The following OR2V2 variants were observed in gnomAD, a reference collection of about 807,000 sequenced individuals.
The protein encoded by OR2V2 is olfactory receptor family 2 subfamily V member 2.
For missense variants in OR2V2, 392 were observed against 392.2 expected (o/e 1.00, Z 0.00); for synonymous variants, 161 against 151.3 (o/e 1.06, Z -0.47).
Position 181,156,619 on chromosome 5 carries a change from T to C in OR2V2, c.*729T>C, listed in dbSNP as rs1763270500. 1 of 152,260 alleles carries C rather than the reference T, an allele frequency of 6.6e-6. No homozygotes were observed. Among genetic ancestry groups the C allele is most frequent in the South Asian group, 2.1e-4 (1 of 4,828 alleles). 9.4% of individuals were successfully genotyped at this position (152,260 alleles called of 1,614,324 possible). A position where few individuals can be genotyped will look rare whatever the true frequency, so the allele number is the denominator to read the frequency against. ...TTGAGCTGAGCCTCCTAACTCTCCT[T>C]GCTAATGTTTTATTCTGTGCTTACT... is the stretch of plus-strand genomic sequence containing the variant. On this transcript the variant is annotated 3_prime_UTR_variant, in exon 2 of 2. Coordinates refer to ENST00000641492, the MANE Select transcript of OR2V2 (RefSeq NM_206880.2).
In OR2V2 at chr5:181,158,940, T is replaced by C. The variant is rs1217434192; in HGVS notation, c.*3050T>C. 1 of 152,210 alleles carries C rather than the reference T, an allele frequency of 6.6e-6. No individual in the cohort carries two copies. The highest frequency in any genetic ancestry group is 1.9e-4 in the East Asian group (1 of 5,156). 9.4% of individuals were successfully genotyped at this position (152,210 alleles called of 1,614,324 possible). A position where few individuals can be genotyped will look rare whatever the true frequency, so the allele number is the denominator to read the frequency against. On this transcript the variant is annotated 3_prime_UTR_variant, in exon 2 of 2. Coordinates refer to ENST00000641492, the MANE Select transcript of OR2V2 (RefSeq NM_206880.2). ...TCAATGTTTTGTGTGTGTGTGTGAATATAAAAAATTGCTTGAAGCCAGGCA... is the reference window on the plus strand; with the variant it reads ...TCAATGTTTTGTGTGTGTGTGTGAACATAAAAAATTGCTTGAAGCCAGGCA...
At chr5:181,148,762 G>A (rs1763157734) in intron 1 of OR2V2, among the ~76,000 whole-genome samples, 2 of 152,218 alleles carry the variant, frequency 1.3e-5, no homozygotes, top group South Asian at 4.1e-4. Flanking sequence ...GATGGGAAGG[G>A]GAGGGAGGAG....
chr5:181,149,566 A>G (rs1763167871), intron 1 of OR2V2, among the ~76,000 whole-genome samples: 2 of 152,324 alleles, frequency 1.3e-5, no homozygotes, highest in South Asian at 4.1e-4. Context: ...ATAGCATTGC[A>G]CAAGTTACCT....
Position 181,148,051 on chromosome 5 carries a change from C to T in OR2V2, c.-25+56C>T, listed in dbSNP as rs539438369. ...CTCTCTTCCCTGCAGCTCCTGCTCCCGTTGCTGGTTCACGTCCCCATTTGT... is the reference window on the plus strand; with the variant it reads ...CTCTCTTCCCTGCAGCTCCTGCTCCTGTTGCTGGTTCACGTCCCCATTTGT... On this transcript the variant is annotated intron_variant, in intron 1 of 1. Transcript: ENST00000641492. 156 of 399,148 alleles carry T rather than the reference C, an allele frequency of 3.9e-4. 1 individual carries two copies. Among genetic ancestry groups the T allele is most frequent in the African/African-American group, 1.4e-3 (66 of 48,748 alleles). The allele number at this position is 399,148 out of a possible 1,614,324, so 24.7% of individuals were successfully genotyped here. A position where few individuals can be genotyped will look rare whatever the true frequency, so the allele number is the denominator to read the frequency against.
chr5:181,154,029 C>T (rs6865627), intron 1 of OR2V2, among the ~76,000 whole-genome samples: 2,832 of 152,186 alleles, frequency 0.019, 40 homozygotes, highest in Middle Eastern at 0.031. Flanking sequence ...TCCTGTCACT[C>T]GCGGTATGAC....
chr5:181,155,923 T>G lies in OR2V2; in HGVS notation c.*33T>G. The G allele has an allele frequency of 6.4e-7, 1 of 1,568,474 alleles. No homozygotes were observed. The highest frequency in any genetic ancestry group is 8.7e-7 in the Non-Finnish European group (1 of 1,147,290). On this transcript the variant is annotated 3_prime_UTR_variant, in exon 2 of 2. Coordinates refer to ENST00000641492, the MANE Select transcript of OR2V2 (RefSeq NM_206880.2). ...GCATCCAGTGCCTGGCTCTGCCATC[T>G]CTTAGCTCCAGGGATGTCGGGTTAA...
In OR2V2 at chr5:181,155,427, T is replaced by G; in HGVS notation, c.485T>G (p.Val162Gly). The stretch of plus-strand genomic sequence containing the variant: ...ATAATCGATGGCTTGATCCAGATGG[T>G]GGTAGTAATGAATTTCCCCTACTGT... ...FGIIDGLIQMVVVMNFPYCGL... is the reference protein window; with the variant it reads ...FGIIDGLIQMGVVMNFPYCGL... Residue 162 changes from valine to glycine, a missense_variant, in exon 2 of 2, where the codon GTG (valine) becomes GGG (glycine). Val to Gly is a moderately radical substitution (Grantham distance 109). Coordinates refer to ENST00000641492, the MANE Select transcript of OR2V2 (RefSeq NM_206880.2). 1.2e-6 allele frequency: 2 copies of G among 1,614,200 alleles called. No homozygotes were observed. Among genetic ancestry groups the G allele is most frequent in the South Asian group, 2.2e-5 (2 of 91,078 alleles).
chr5:181,149,352 A>T (rs1281355232), intron 1 of OR2V2, among the ~76,000 whole-genome samples: 1 of 152,168 alleles, frequency 6.6e-6, no homozygotes, highest in African/African-American at 2.4e-5. Flanking sequence ...TGACCTGGGC[A>T]GCTGGACAGA....
rs1763268471 is a variant in OR2V2 at position 181,156,401 on chromosome 5, C to T, written c.*511C>T. 6.5e-6 allele frequency: 1 copy of T among 154,022 alleles called. No homozygotes were observed. The highest frequency in any genetic ancestry group is 2.0e-4 in the South Asian group (1 of 4,968). 9.5% of individuals were successfully genotyped at this position (154,022 alleles called of 1,614,324 possible). A position where few individuals can be genotyped will look rare whatever the true frequency, so the allele number is the denominator to read the frequency against. ...GAGATTACAGGCGTGAGCCACCACG[C>T]ACAGCCAACATCAGTACTTTTTATC... On this transcript the variant is annotated 3_prime_UTR_variant, in exon 2 of 2. Transcript: ENST00000641492.
At position 181,153,151 on chromosome 5, in the gene OR2V2, G is replaced by A. The variant is rs1023463694; in HGVS notation, c.-24-1768G>A. Among the ~76,000 whole-genome samples, 5 of 152,234 alleles carry A rather than the reference G, an allele frequency of 3.3e-5. No homozygotes were observed. The East Asian group carries it at 5.8e-4, about 18-fold the overall frequency. On this transcript the variant is annotated intron_variant, in intron 1 of 1. Transcript: ENST00000641492. Reference sequence around the variant, plus strand: ...GAAAACTGGGAACTCCTTGGAGGGCGAAGACAAGGCTCAGCCGGGTGAGAG... The same window carrying A: ...GAAAACTGGGAACTCCTTGGAGGGCAAAGACAAGGCTCAGCCGGGTGAGAG...
In OR2V2 at chr5:181,155,116, C is replaced by A; in HGVS notation, c.174C>A (p.Thr58=). The change falls in exon 2 of 2, where the codon ACC becomes ACA. Residue 58 remains threonine, a synonymous_variant. Transcript: ENST00000641492. ...FLIYMDPHLH[T]PMYFFLSQLS... ...TCTACATGGACCCTCACCTTCACAC[C>A]CCCATGTACTTCTTCCTCAGCCAGC... 1 of 1,614,208 alleles carries A rather than the reference C, an allele frequency of 6.2e-7. No homozygotes were observed. Among genetic ancestry groups the A allele is most frequent in the East Asian group, 2.2e-5 (1 of 44,890 alleles).
At chr5:181,153,401 G>C (rs1473939760) in intron 1 of OR2V2, among the ~76,000 whole-genome samples, 1 of 152,140 alleles carries the variant, frequency 6.6e-6, no homozygotes, top group Non-Finnish European at 1.5e-5. Flanking sequence ...AGGACAAATT[G>C]TTTGGCAGGA....
intron 1 of OR2V2, among the ~76,000 whole-genome samples, 159 bp from the exon 2 acceptor site, chr5:181,154,760 C>T (rs1763235426): frequency 6.6e-6 from 1 of 152,212 alleles, no homozygotes. Context: ...AGGGCCCCCA[C>T]CGCTGTGTTA....
intron 1 of OR2V2, among the ~76,000 whole-genome samples, chr5:181,152,513 C>G (rs144585537): frequency 6.6e-6 from 1 of 152,322 alleles, no homozygotes; most frequent in East Asian, 1.9e-4. Context: ...GACGCACACT[C>G]TCCTGTGGTT....
intron 1 of OR2V2, among the ~76,000 whole-genome samples, chr5:181,149,096 T>C (rs1763161847): frequency 6.6e-6 from 1 of 152,120 alleles, no homozygotes; most frequent in African/African-American, 2.4e-5. Flanking sequence ...TCCACCCCAG[T>C]GCTATGTGAC....
rs763486987 is a variant in OR2V2 at position 181,155,432 on chromosome 5, G to A, written c.490G>A (p.Val164Ile). ...CGATGGCTTGATCCAGATGGTGGTA[G>A]TAATGAATTTCCCCTACTGTGGCTT... Reference protein sequence around the residue: ...IIDGLIQMVVVMNFPYCGLRK... With the variant: ...IIDGLIQMVVIMNFPYCGLRK... The change falls in exon 2 of 2, where the codon GTA becomes ATA. Residue 164 changes from valine (V) to isoleucine (I), a missense_variant. Physicochemically the swap from Val to Ile is conservative, Grantham distance 29. Coordinates refer to ENST00000641492, the MANE Select transcript of OR2V2 (RefSeq NM_206880.2). 1.1e-5 allele frequency: 17 copies of A among 1,614,108 alleles called. No individual in the cohort carries two copies. The Admixed American group carries it at 1.3e-4, about 13-fold the overall frequency.
Position 181,157,053 on chromosome 5 carries a change from C to T in OR2V2, c.*1163C>T, listed in dbSNP as rs932508168. 2.6e-5 allele frequency: 4 copies of T among 152,278 alleles called. No individual in the cohort carries two copies. Among genetic ancestry groups the T allele is most frequent in the Non-Finnish European group, 5.9e-5 (4 of 68,048 alleles). 9.4% of individuals were successfully genotyped at this position (152,278 alleles called of 1,614,324 possible). A position where few individuals can be genotyped will look rare whatever the true frequency, so the allele number is the denominator to read the frequency against. ...CTGGAGCATGGTGACAGAATTTCAT[C>T]TGCTATTTGAAAACCTATTTTCAGA... On this transcript the variant is annotated 3_prime_UTR_variant, in exon 2 of 2. Coordinates refer to ENST00000641492, the MANE Select transcript of OR2V2 (RefSeq NM_206880.2).
intron 1 of OR2V2, 103 bp downstream of exon 1, chr5:181,148,098 T>C (rs2113343258): frequency 2.5e-6 from 1 of 396,380 alleles, no homozygotes; most frequent in Non-Finnish European, 4.4e-6. Flanking sequence ...GCACTTGTTC[T>C]TCCTCCTACT....
rs1177311706 is a variant in OR2V2, at chr5:181,157,217, T to A, written c.*1327T>A. The A allele has an allele frequency of 6.6e-6, 1 of 152,242 alleles. No individual in the cohort carries two copies. Among genetic ancestry groups the A allele is most frequent in the Non-Finnish European group, 1.5e-5 (1 of 68,052 alleles). The allele number at this position is 152,242 out of a possible 1,614,324, so 9.4% of individuals were successfully genotyped here. A position where few individuals can be genotyped will look rare whatever the true frequency, so the allele number is the denominator to read the frequency against. ...AGAGAAAAGAGGCCAGAACTGGTCC[T>A]GAGGATTAGACTAAACCCCAGGGAG... On this transcript the variant is annotated 3_prime_UTR_variant, in exon 2 of 2. Transcript: ENST00000641492.
Sources: gnomAD v4.1 joint callset for allele counts (sites outside exome capture counted in the v4.1 genomes callset) on GRCh38, gnomAD v4.1.1 for gene constraint, MANE v1.5 for transcripts, NCBI Gene and HGNC (gene_info 2026-07-23, HGNC 2026-07-21) for gene names.